The following CAPN13 variants were observed in gnomAD, a reference collection of about 807,000 sequenced individuals.
CAPN13 encodes the protein calpain 13.
A neutral mutation model predicts 98.4 loss-of-function variants in CAPN13; 90 were observed. The observed-to-expected ratio is 0.92, with a 90% confidence interval of 0.77 to 1.09. The LOEUF (loss-of-function observed/expected upper bound fraction) is 1.09. Ranked by LOEUF, CAPN13 falls within the 50% of genes least tolerant of loss-of-function variation. The probability of loss-of-function intolerance (pLI) is 0.00; values close to 1 mark genes in which losing one functional copy is unlikely to be tolerated. For missense variants in CAPN13, 887 were observed against 841.3 expected (o/e 1.05, Z -0.67); for synonymous variants, 330 against 305.5 (o/e 1.08, Z -0.84).
chr2:30,787,093 C>G (rs1214539581), intron 2 of CAPN13, 35 bp downstream of exon 2: 5 of 1,501,380 alleles, frequency 3.3e-6, no homozygotes, highest in Non-Finnish European at 3.6e-6. Context: ...TCCGAGGACC[C>G]TGGAGCTGGG....
chr2:30,751,740 A>G (rs143197966), intron 10 of CAPN13, among the ~76,000 whole-genome samples: 65 of 152,352 alleles, frequency 4.3e-4, no homozygotes, highest in African/African-American at 1.4e-3. Context: ...AATACATGGA[A>G]GAATGAAGAT....
chr2:30,732,256 G>A (rs2681678), intron 20 of CAPN13, among the ~76,000 whole-genome samples, 182 bp downstream of exon 20: 4 of 152,226 alleles, frequency 2.6e-5, no homozygotes, highest in African/African-American at 9.6e-5. Context: ...ACAGGGGAGA[G>A]GGGGGTGCGG....
At chr2:30,806,275 T>C (rs1396378413) in intron 1 of CAPN13, 1 of 152,158 alleles carries the variant, frequency 6.6e-6, no homozygotes, top group African/African-American at 2.4e-5. Context: ...ATCTACAAAA[T>C]GGGATAATGA....
At chr2:30,730,365 G>A (rs555905024) in intron 22 of CAPN13, among the ~76,000 whole-genome samples, 9 of 152,166 alleles carry the variant, frequency 5.9e-5, no homozygotes, top group African/African-American at 1.9e-4. Context: ...CTCTCCCTAA[G>A]GCCTGACCAT....
intron 1 of CAPN13, among the ~76,000 whole-genome samples, chr2:30,792,529 A>G (rs1674654526): frequency 6.6e-6 from 1 of 152,092 alleles, no homozygotes; most frequent in Non-Finnish European, 1.5e-5. Context: ...AAATCTGAAT[A>G]ATGCCACATA....
At chr2:30,781,277 C>T (rs1176165932) in intron 2 of CAPN13, among the ~76,000 whole-genome samples, 1 of 152,200 alleles carries the variant, frequency 6.6e-6, no homozygotes, top group East Asian at 1.9e-4. Context: ...CACCAGCAGG[C>T]AGCATCTTCT....
intron 10 of CAPN13, among the ~76,000 whole-genome samples, chr2:30,751,992 A>G (rs1302523423): frequency 6.6e-6 from 1 of 152,252 alleles, no homozygotes; most frequent in African/African-American, 2.4e-5. Flanking sequence ...TTGTTAGTTC[A>G]TTGACAAGCA....
intron 1 of CAPN13, among the ~76,000 whole-genome samples, chr2:30,800,156 G>GA (rs1277472384): frequency 1.3e-5 from 2 of 149,800 alleles, no homozygotes; most frequent in African/African-American, 4.9e-5. Context: ...AAGAAAGAAA[G>GA]AAAGAAAGAA....
intron 2 of CAPN13, 89 bp from the exon 3 acceptor site, chr2:30,777,728 G>T: frequency 9.0e-7 from 1 of 1,104,980 alleles, no homozygotes; most frequent in Non-Finnish European, 1.3e-6. Flanking sequence ...CAAGGGTCGA[G>T]GTTAATTCTT....
rs555587446 is a variant in CAPN13 at position 30,742,199 on chromosome 2, C to T, written c.1479+127G>A. On this transcript the variant is annotated intron_variant, in intron 14 of 22. Transcript: ENST00000295055. ...CTACCCCGCCCCTTTGAGCCTTCAT[C>T]GGCCTATCATGGTGTCTCTCTTTTC... 100 of 1,220,884 alleles carry T rather than the reference C, an allele frequency of 8.2e-5. 1 individual carries two copies. The highest frequency in any genetic ancestry group is 3.6e-4 in the East Asian group (14 of 39,364). The allele number at this position is 1,220,884 out of a possible 1,614,324, so 75.6% of individuals were successfully genotyped here. A position where few individuals can be genotyped will look rare whatever the true frequency, so the allele number is the denominator to read the frequency against.
intron 7 of CAPN13, among the ~76,000 whole-genome samples, chr2:30,760,511 C>T (rs952865435): frequency 6.6e-6 from 1 of 152,168 alleles, no homozygotes; most frequent in African/African-American, 2.4e-5. Flanking sequence ...CAGATAAACA[C>T]TCACCCCTAT....
At chr2:30,785,396 G>T (rs906911678) in intron 2 of CAPN13, among the ~76,000 whole-genome samples, 1 of 152,176 alleles carries the variant, frequency 6.6e-6, no homozygotes, top group Admixed American at 6.5e-5. Context: ...CTTGTCAACT[G>T]TGATAAGAAA....
At chr2:30,758,768 T>C (rs574024718) in intron 7 of CAPN13, among the ~76,000 whole-genome samples, 20 of 66,202 alleles carry the variant, frequency 3.0e-4, no homozygotes, top group South Asian at 1.2e-3. Context: ...CTCTTTCCTT[T>C]CCTTCCTCCC....
At chr2:30,769,617 A>T (rs1673291964) in intron 5 of CAPN13, among the ~76,000 whole-genome samples, 1 of 152,214 alleles carries the variant, frequency 6.6e-6, no homozygotes, top group South Asian at 2.1e-4. Flanking sequence ...ATATGGTTAA[A>T]TGCTCAATAA....
chr2:30,790,077 C>T (rs773758241), intron 1 of CAPN13, among the ~76,000 whole-genome samples: 7 of 152,316 alleles, frequency 4.6e-5, no homozygotes, highest in African/African-American at 1.2e-4. Context: ...AGCTTGTTCC[C>T]GCCTCCACAC....
At position 30,737,014 on chromosome 2, in the gene CAPN13, C is replaced by G. The variant is rs113040468; in HGVS notation, c.1654-443G>C. ...CATGTTAAAGCCAGCCCTGGCCATG[C>G]CGTATGATGGGTTCAGTGATGACTA... is the stretch of plus-strand genomic sequence containing the variant. On this transcript the variant is annotated intron_variant, in intron 17 of 22. Coordinates refer to ENST00000295055, the MANE Select transcript of CAPN13 (RefSeq NM_144575.3). 1.5e-3 allele frequency: 288 copies of G among 192,922 alleles called. 1 individual carries two copies. The highest frequency in any genetic ancestry group is 6.3e-3 in the African/African-American group (271 of 42,832). 12.0% of individuals were successfully genotyped at this position (192,922 alleles called of 1,614,324 possible).
At chr2:30,727,521 C>T (rs1052685665) in intron 22 of CAPN13, among the ~76,000 whole-genome samples, 6 of 152,052 alleles carry the variant, frequency 3.9e-5, no homozygotes, top group African/African-American at 1.2e-4. Flanking sequence ...ATGAACATTT[C>T]GCCGAAGATA....
chr2:30,731,347 C>T lies in CAPN13; in HGVS notation c.1980G>A (p.Met660Ile), dbSNP rs777295849. The T allele has an allele frequency of 1.9e-6, 3 of 1,609,974 alleles. No homozygotes were observed. The highest frequency in any genetic ancestry group is 2.5e-6 in the Non-Finnish European group (3 of 1,178,056). The change falls in exon 21 of 23, where the codon ATG (methionine) becomes ATA (isoleucine). Residue 660 changes from methionine (M) to isoleucine (I), a missense_variant. By Grantham distance (10) the Met-to-Ile change is conservative. Coordinates refer to ENST00000295055, the MANE Select transcript of CAPN13 (RefSeq NM_144575.3). ...KDGKGLYLTE[M>I]EWMSLVMYN Reference sequence around the variant, plus strand: ...CGGGGAGGGGAAGGTACCTCACCTCCATTTCTGTCAGGTAGAGTCCTTTTC... The same window carrying T: ...CGGGGAGGGGAAGGTACCTCACCTCTATTTCTGTCAGGTAGAGTCCTTTTC...
At position 30,734,515 on chromosome 2, in the gene CAPN13, G is replaced by A; in HGVS notation, c.1732C>T (p.Gln578Ter). The A allele has an allele frequency of 6.2e-7, 1 of 1,613,624 alleles. No individual in the cohort carries two copies. The highest frequency in any genetic ancestry group is 1.1e-5 in the South Asian group (1 of 91,046). The change falls in exon 19 of 23, where the codon CAG becomes TAG. Residue 578 changes from glutamine to a stop codon, truncating the protein, a stop_gained. Coordinates refer to ENST00000295055, the MANE Select transcript of CAPN13 (RefSeq NM_144575.3). LOFTEE classifies it high-confidence loss of function. Reference protein sequence around the residue: ...KRLVHYQHVFQKVQTSPGVLL... With the variant: ...KRLVHYQHVF ...ACTCCAGGGCTTGTCTGAACCTTCT[G>A]GAAAACATGCTAATAGGGGAAGAGA...
Sources: allele counts gnomAD v4.1 joint callset (sites outside exome capture counted in the v4.1 genomes callset), GRCh38; gene constraint gnomAD v4.1.1; transcripts MANE v1.5; gene names NCBI Gene and HGNC (gene_info 2026-07-23, HGNC 2026-07-21).